The following PCSK5 variants were observed in gnomAD, a reference collection of about 807,000 sequenced individuals.
PCSK5 encodes prohormone convertase 5.
PCSK5 carries 129 observed loss-of-function variants against 233.2 expected under a neutral mutation model. The ratio of observed to expected loss-of-function variants is 0.55; its 90% CI spans 0.48 to 0.64. The LOEUF (loss-of-function observed/expected upper bound fraction) is 0.64, where lower values mean the gene tolerates loss of function less well. PCSK5 is among the 30% of genes least tolerant of loss of function. The pLI, the probability that PCSK5 is intolerant of heterozygous loss-of-function variation, is 0.00. For missense variants in PCSK5, 2,076 were observed against 2,430.1 expected (o/e 0.85, Z 3.06); for synonymous variants, 825 against 879.2 (o/e 0.94, Z 1.09).
rs75914444 is a variant in PCSK5 at position 76,334,382 on chromosome 9, G to A, written c.4748+1772G>A. ...CTCATGGAAGAAAAACACCTCTTAC[G>A]TCTTACATTTGCTTCTACAACACTC... On this transcript the variant is annotated intron_variant, in intron 34 of 37. Transcript: ENST00000674117. Among the ~76,000 whole-genome samples the A allele has an allele frequency of 7.2e-3, 1,092 of 152,238 alleles. 23 individuals carry two copies. Among genetic ancestry groups the A allele is most frequent in the East Asian group, 0.065 (338 of 5,176 alleles).
intron 20 of PCSK5, among the ~76,000 whole-genome samples, chr9:76,192,431 T>C (rs78005903): frequency 0.031 from 4,726 of 152,316 alleles, 269 homozygotes; most frequent in East Asian, 0.22. Flanking sequence ...TTCTAAGACA[T>C]ATATTTTTTA....
chr9:75,990,717 T>C (rs1826729584), intron 3 of PCSK5, among the ~76,000 whole-genome samples: 1 of 152,196 alleles, frequency 6.6e-6, no homozygotes, highest in Non-Finnish European at 1.5e-5. Flanking sequence ...GCTAAAAGTT[T>C]CTCTGGGATC....
intron 24 of PCSK5, among the ~76,000 whole-genome samples, chr9:76,277,610 G>A (rs3915861): frequency 0.56 from 85,488 of 152,014 alleles, 24,425 homozygotes; most frequent in East Asian, 0.81. Context: ...CATTACTGCC[G>A]ATTCAAACAT....
At chr9:76,281,581 A>G (rs531536289) in intron 24 of PCSK5, among the ~76,000 whole-genome samples, 21 of 152,310 alleles carry the variant, frequency 1.4e-4, no homozygotes, top group South Asian at 6.2e-4. Flanking sequence ...TGCAAGATTA[A>G]TGTTGTTTTC....
intron 3 of PCSK5, among the ~76,000 whole-genome samples, chr9:76,022,107 T>C (rs569641588): frequency 6.6e-6 from 1 of 152,292 alleles, no homozygotes; most frequent in Admixed American, 6.5e-5. Flanking sequence ...TCATCTAAAG[T>C]GGTGTACTCA....
At chr9:76,064,866 T>C (rs896680864) in intron 5 of PCSK5, among the ~76,000 whole-genome samples, 11 of 152,332 alleles carry the variant, frequency 7.2e-5, no homozygotes, top group South Asian at 2.1e-4. Flanking sequence ...TTTTTTATTT[T>C]TGTAGAGACG....
chr9:75,998,146 C>G (rs1041947971), intron 3 of PCSK5, among the ~76,000 whole-genome samples: 3 of 152,140 alleles, frequency 2.0e-5, no homozygotes, highest in Non-Finnish European at 4.4e-5. Context: ...ATAGAGAAAT[C>G]ATTTTTATCT....
intron 1 of PCSK5, among the ~76,000 whole-genome samples, 155 bp downstream of exon 1, chr9:75,891,528 T>A (rs62559211): frequency 5.3e-5 from 3 of 56,356 alleles, no homozygotes; most frequent in African/African-American, 7.8e-5. Flanking sequence ...CGCGCGCGCG[T>A]ACGCACACAC....
intron 2 of PCSK5, among the ~76,000 whole-genome samples, chr9:75,958,766 A>G (rs1009700791): frequency 1.3e-5 from 2 of 152,228 alleles, no homozygotes; most frequent in African/African-American, 4.8e-5. Context: ...TCTGTATGAA[A>G]TGGAAATGGT....
intron 3 of PCSK5, among the ~76,000 whole-genome samples, chr9:75,998,740 G>A (rs897933103): frequency 3.9e-5 from 6 of 152,032 alleles, no homozygotes; most frequent in Non-Finnish European, 5.9e-5. Flanking sequence ...GAACATCCAC[G>A]TCTCCATTAC....
At chr9:76,355,640 A>G (rs1366401286) in intron 37 of PCSK5, among the ~76,000 whole-genome samples, 2 of 152,152 alleles carry the variant, frequency 1.3e-5, no homozygotes, top group Non-Finnish European at 2.9e-5. Context: ...CCAGACCCAT[A>G]ACTGCTACCA....
intron 24 of PCSK5, among the ~76,000 whole-genome samples, chr9:76,260,484 C>T (rs779559571): frequency 1.7e-4 from 26 of 152,214 alleles, no homozygotes; most frequent in Non-Finnish European, 2.4e-4. Context: ...AGGAGAGAAA[C>T]CATCACTGAT....
chr9:76,352,888 CAA>C (rs140814698), intron 36 of PCSK5, among the ~76,000 whole-genome samples: 23 of 147,180 alleles, frequency 1.6e-4, no homozygotes, highest in Admixed American at 2.7e-4. Context: ...ACAAAAAATA[CAA>C]AAAAAAAAAA....
chr9:76,350,832 A>C lies in PCSK5; in HGVS notation c.4971A>C (p.Lys1657Asn), dbSNP rs1273803324. 1.3e-6 allele frequency: 2 copies of C among 1,579,218 alleles called. No homozygotes were observed. The highest frequency in any genetic ancestry group is 3.4e-5 in the Admixed American group (2 of 59,388). Residue 1657 changes from lysine to asparagine, a missense_variant, in exon 36 of 38, where the codon AAA (lysine) becomes AAC (asparagine). By Grantham distance (94) the Lys-to-Asn change is moderately conservative (BLOSUM62 0). Transcript: ENST00000674117. ...TTAGAATGTTTTCTCTTTCAGGAAA[A>C]GGAGCGTTGAATTGTTTATCCTGTG... Reference protein sequence around the residue: ...CHPTCDQCKGKGALNCLSCVW... With the variant: ...CHPTCDQCKGNGALNCLSCVW...
Position 75,957,819 on chromosome 9 carries a change from T to C in PCSK5, c.297+25336T>C, listed in dbSNP as rs1305803094. On this transcript the variant is annotated intron_variant, in intron 2 of 37. Transcript: ENST00000674117. ...AGTCAAGAAGAAAAAATGAAAACTT[T>C]TGGAACAATGATGAAGGTACAGAGA... is the stretch of plus-strand genomic sequence containing the variant. 2.0e-5 allele frequency among the ~76,000 whole-genome samples: 3 copies of C among 152,230 alleles called. No individual in the cohort carries two copies. The East Asian group carries it at 5.8e-4, about 29-fold the overall frequency.
chr9:76,061,912 T>G (rs1242763244), intron 5 of PCSK5, among the ~76,000 whole-genome samples: 2 of 152,216 alleles, frequency 1.3e-5, no homozygotes, highest in East Asian at 3.8e-4. Context: ...ATTGATCATT[T>G]TTTGATGATG....
intron 30 of PCSK5, among the ~76,000 whole-genome samples, chr9:76,312,998 A>T (rs1828909337): frequency 6.6e-6 from 1 of 152,148 alleles, no homozygotes; most frequent in Non-Finnish European, 1.5e-5. Context: ...AAACATTTTA[A>T]ATCACTATTT....
intron 5 of PCSK5, among the ~76,000 whole-genome samples, chr9:76,047,606 CCT>C (rs1304571810): frequency 6.6e-6 from 1 of 151,966 alleles, no homozygotes; most frequent in East Asian, 1.9e-4. Flanking sequence ...CCATTTCTGC[CCT>C]CTCAAGAGAG....
chr9:76,118,643 T>G (rs1051290847), intron 9 of PCSK5, among the ~76,000 whole-genome samples: 1 of 149,558 alleles, frequency 6.7e-6, no homozygotes, highest in Non-Finnish European at 1.5e-5. Context: ...GAACCATTTT[T>G]AAAATGTAGG....
Sources: allele counts gnomAD v4.1 joint callset (sites outside exome capture counted in the v4.1 genomes callset), GRCh38; gene constraint gnomAD v4.1.1; transcripts MANE v1.5; gene names NCBI Gene and HGNC (gene_info 2026-07-23, HGNC 2026-07-21).